Variants in SEMA5A observed in about 807,000 individuals in gnomAD.
The protein encoded by SEMA5A is semaphorin 5A, also known as semaphorin-5A.
Under a neutral mutation model 135.5 loss-of-function variants are expected in SEMA5A, and 55 were observed. That is an observed-to-expected ratio of 0.41 (90% CI 0.33 to 0.51). The LOEUF (loss-of-function observed/expected upper bound fraction) is 0.51, where lower values mean the gene tolerates loss of function less well. SEMA5A is among the 20% of genes least tolerant of loss of function. The pLI, the probability that SEMA5A is intolerant of heterozygous loss-of-function variation, is 0.37. For missense variants in SEMA5A, 1,290 were observed against 1,419.9 expected (o/e 0.91, Z 1.47); for synonymous variants, 580 against 546.5 (o/e 1.06, Z -0.85).
chr5:9,251,811 A>T (rs1304689710), intron 5 of SEMA5A, among the ~76,000 whole-genome samples: 1 of 152,218 alleles, frequency 6.6e-6, no homozygotes, highest in African/African-American at 2.4e-5. Context: ...AGAATGAATC[A>T]ACTCCTGATG....
chr5:9,489,373 C>T (rs1323914484), intron 1 of SEMA5A, among the ~76,000 whole-genome samples: 1 of 152,102 alleles, frequency 6.6e-6, no homozygotes, highest in Non-Finnish European at 1.5e-5. Flanking sequence ...AACAAAATGT[C>T]AGCCTTTCCA....
At chr5:9,163,428 A>T (rs1743407434) in intron 11 of SEMA5A, among the ~76,000 whole-genome samples, 1 of 152,158 alleles carries the variant, frequency 6.6e-6, no homozygotes, top group South Asian at 2.1e-4. Context: ...CTCTGGGGGA[A>T]AATAGCTGCT....
At chr5:9,439,687 C>A (rs2126676734) in intron 1 of SEMA5A, among the ~76,000 whole-genome samples, 1 of 152,308 alleles carries the variant, frequency 6.6e-6, no homozygotes, top group South Asian at 2.1e-4. Flanking sequence ...CAATCAGTAA[C>A]ACAACCAGAG....
In SEMA5A at chr5:9,097,773, G is replaced by A. The variant is rs147615375; in HGVS notation, c.2073+10367C>T. 2.6e-4 allele frequency among the ~76,000 whole-genome samples: 40 copies of A among 152,316 alleles called. No homozygotes were observed. The East Asian group carries it at 7.1e-3, about 27-fold the overall frequency. ...ACCATGGCCCAGCCTGTACAACAAG[G>A]TGATGGACTGAAATAGGACTTTAAA... On this transcript the variant is annotated intron_variant, in intron 16 of 22. Coordinates refer to ENST00000382496, the MANE Select transcript of SEMA5A (RefSeq NM_003966.3).
intron 5 of SEMA5A, among the ~76,000 whole-genome samples, chr5:9,282,226 C>A (rs920403004): frequency 1.3e-5 from 2 of 151,996 alleles, no homozygotes; most frequent in African/African-American, 4.8e-5. Flanking sequence ...GAAGGCCAAA[C>A]ACTTAAAAAA....
At chr5:9,347,044 AC>A (rs1163038267) in intron 3 of SEMA5A, among the ~76,000 whole-genome samples, 3 of 152,158 alleles carry the variant, frequency 2.0e-5, no homozygotes, top group Admixed American at 6.5e-5. Context: ...CATTTATAGA[AC>A]TTTTAAAAAA....
chr5:9,053,863 G>A, intron 19 of SEMA5A: 2 of 442,132 alleles, frequency 4.5e-6, no homozygotes, highest in African/African-American at 4.1e-5. Context: ...CCCATTGCTG[G>A]GCTAAAGGCT....
chr5:9,247,209 A>G (rs1035573367), intron 5 of SEMA5A, among the ~76,000 whole-genome samples: 1 of 152,170 alleles, frequency 6.6e-6, no homozygotes, highest in Non-Finnish European at 1.5e-5. Flanking sequence ...CAAGAGGAAT[A>G]TCCCATTTGT....
intron 15 of SEMA5A, among the ~76,000 whole-genome samples, chr5:9,113,217 C>G (rs1440009360): frequency 6.6e-6 from 1 of 152,124 alleles, no homozygotes; most frequent in Non-Finnish European, 1.5e-5. Context: ...TATATAACAA[C>G]TATTAACAGA....
At chr5:9,244,002 G>A (rs1485586308) in intron 5 of SEMA5A, among the ~76,000 whole-genome samples, 2 of 152,090 alleles carry the variant, frequency 1.3e-5, no homozygotes. Flanking sequence ...TGATTCCCTT[G>A]TCATAGAATG....
At chr5:9,096,111 C>T (rs1156231390) in intron 16 of SEMA5A, among the ~76,000 whole-genome samples, 3 of 152,066 alleles carry the variant, frequency 2.0e-5, no homozygotes, top group Admixed American at 6.6e-5. Context: ...CTGGCTGTAC[C>T]GGCCTACATC....
intron 13 of SEMA5A, among the ~76,000 whole-genome samples, chr5:9,126,862 T>C (rs1741143029): frequency 6.6e-6 from 1 of 152,206 alleles, no homozygotes; most frequent in South Asian, 2.1e-4. Flanking sequence ...ATGTTATCTA[T>C]AGGGGTGAGT....
At chr5:9,194,423 T>C (rs1745280695) in intron 10 of SEMA5A, among the ~76,000 whole-genome samples, 2 of 152,218 alleles carry the variant, frequency 1.3e-5, no homozygotes, top group South Asian at 4.1e-4. Flanking sequence ...AAATCCTAAA[T>C]GTCAGTAGGA....
At position 9,521,581 on chromosome 5, in the gene SEMA5A, C is replaced by T. The variant is rs995678634; in HGVS notation, c.-175+24003G>A. On this transcript the variant is annotated intron_variant, in intron 1 of 22. Transcript: ENST00000382496. ...AGGTGAATGAGTCAGGATTTAACAC[C>T]GCTCGGTCTATTCCTGCTGAGCGGT... 9.9e-5 allele frequency among the ~76,000 whole-genome samples: 15 copies of T among 152,232 alleles called. No individual in the cohort carries two copies. In the South Asian group the frequency reaches 1.2e-3, roughly 13 times the overall value.
intron 11 of SEMA5A, among the ~76,000 whole-genome samples, chr5:9,181,960 C>T (rs1226612028): frequency 6.6e-6 from 1 of 151,924 alleles, no homozygotes; most frequent in Admixed American, 6.6e-5. Flanking sequence ...TCCTCCTCAA[C>T]TCACCCCAAT....
rs1164572199 is a variant in SEMA5A at position 9,040,295 on chromosome 5, C to CAA, written c.*2600_*2601dup. 6.6e-6 allele frequency: 1 copy of CAA among 152,222 alleles called. No homozygotes were observed. Among genetic ancestry groups the CAA allele is most frequent in the Non-Finnish European group, 1.5e-5 (1 of 68,050 alleles). 9.4% of individuals were successfully genotyped at this position (152,222 alleles called of 1,614,324 possible). On this transcript the variant is annotated 3_prime_UTR_variant, in exon 23 of 23. Coordinates refer to ENST00000382496, the MANE Select transcript of SEMA5A (RefSeq NM_003966.3). ...ATTCAGGAATTTAAAATGTGAACCG[C>CAA]AAAGTTTCACCAGGACTTCCAAACA...
intron 1 of SEMA5A, among the ~76,000 whole-genome samples, chr5:9,452,071 A>C (rs1758665757): frequency 6.6e-6 from 1 of 152,156 alleles, no homozygotes; most frequent in Non-Finnish European, 1.5e-5. Flanking sequence ...CACTTCCTTC[A>C]CCTTTTCCAC....
At chr5:9,152,239 A>C (rs1039513561) in intron 12 of SEMA5A, among the ~76,000 whole-genome samples, 4 of 152,184 alleles carry the variant, frequency 2.6e-5, no homozygotes, top group Non-Finnish European at 5.9e-5. Context: ...GTCACCCTCC[A>C]AAAAGGTCAT....
At chr5:9,306,939 C>T (rs971870419) in intron 5 of SEMA5A, among the ~76,000 whole-genome samples, 1 of 152,168 alleles carries the variant, frequency 6.6e-6, no homozygotes, top group Non-Finnish European at 1.5e-5. Context: ...AATTCTTAGG[C>T]AATGAATTGC....
Sources: allele counts gnomAD v4.1 joint callset (sites outside exome capture counted in the v4.1 genomes callset), GRCh38; gene constraint gnomAD v4.1.1; transcripts MANE v1.5; gene names NCBI Gene and HGNC (gene_info 2026-07-23, HGNC 2026-07-21).